The following TAF13 variants were observed in gnomAD, a reference collection of about 807,000 sequenced individuals.
The protein encoded by TAF13 is TATA-box binding protein associated factor 13.
A neutral mutation model predicts 18.7 loss-of-function variants in TAF13; 9 were observed. The ratio of observed to expected loss-of-function variants is 0.48; its 90% CI spans 0.29 to 0.84. The LOEUF (loss-of-function observed/expected upper bound fraction) is 0.84, where lower values mean the gene tolerates loss of function less well. Ranked by LOEUF, TAF13 falls within the 40% of genes least tolerant of loss-of-function variation. TAF13 has a pLI of 0.08. For synonymous variants in TAF13, 49 were observed against 44.1 expected (o/e 1.11, Z -0.44); for missense variants, 105 against 146.5 (o/e 0.72, Z 1.46).
chr1:109,064,696 A>G lies in TAF13; in HGVS notation c.205-3T>C, dbSNP rs1663922342. ...CCAATTGACATTGCCTTGTGAGTCT[A>G]TTACAAAGAAACATATTACATTTAA... On this transcript the variant is annotated splice_polypyrimidine_tract_variant and splice_region_variant and intron_variant, in intron 3 of 3. Coordinates refer to ENST00000338366, the MANE Select transcript of TAF13 (RefSeq NM_005645.4). 4.1e-6 allele frequency: 6 copies of G among 1,462,558 alleles called. No homozygotes were observed. Among genetic ancestry groups the G allele is most frequent in the Non-Finnish European group, 5.4e-6 (6 of 1,103,944 alleles). 90.6% of individuals were successfully genotyped at this position (1,462,558 alleles called of 1,614,324 possible).
At chr1:109,073,894 C>T (rs902410076) in intron 2 of TAF13, among the ~76,000 whole-genome samples, 2 of 151,686 alleles carry the variant, frequency 1.3e-5, no homozygotes, top group East Asian at 1.9e-4. Flanking sequence ...CGCCTCTGCT[C>T]GGCCGCTACT....
At chr1:109,068,838 C>T (rs1456412137) in intron 2 of TAF13, among the ~76,000 whole-genome samples, 1 of 152,108 alleles carries the variant, frequency 6.6e-6, no homozygotes, top group African/African-American at 2.4e-5. Flanking sequence ...CCCGTCTCTA[C>T]TAAAAATACA....
chr1:109,074,358 A>G (rs1311327925), intron 2 of TAF13, among the ~76,000 whole-genome samples: 1 of 152,152 alleles, frequency 6.6e-6, no homozygotes, highest in Non-Finnish European at 1.5e-5. Context: ...GTGCTTTGTT[A>G]AACAGATGCT....
Position 109,066,153 on chromosome 1 carries a change from T to A in TAF13, c.186A>T (p.Ile62=), listed in dbSNP as rs758182892. 5.6e-6 allele frequency: 9 copies of A among 1,611,804 alleles called. No homozygotes were observed. Among genetic ancestry groups the A allele is most frequent in the Non-Finnish European group, 7.6e-6 (9 of 1,179,372 alleles). Residue 62 remains isoleucine, a synonymous_variant, in exon 3 of 4, where the codon ATA becomes ATT. Coordinates refer to ENST00000338366, the MANE Select transcript of TAF13 (RefSeq NM_005645.4). ...ESVDILEDLV[I]EFITEMTHKA... Reference sequence around the variant, plus strand: ...ATCTTACCATTTCAGTGATAAACTCTATGACAAGATCTTCAAGAATATCCA... The same window carrying A: ...ATCTTACCATTTCAGTGATAAACTCAATGACAAGATCTTCAAGAATATCCA...
chr1:109,071,965 TATATATATATACACAC>T lies in TAF13; in HGVS notation c.106+3006_106+3021del, dbSNP rs1197585395. 7.4e-3 allele frequency among the ~76,000 whole-genome samples: 61 copies of T among 8,270 alleles called. 2 individuals are homozygous for T. Among genetic ancestry groups the T allele is most frequent in the Non-Finnish European group, 0.014 (29 of 2,126 alleles). The allele number at this position is 8,270 out of a possible 152,430, so 5.4% of individuals were successfully genotyped here. A position where few individuals can be genotyped will look rare whatever the true frequency, so the allele number is the denominator to read the frequency against. On this transcript the variant is annotated intron_variant, in intron 2 of 3. Transcript: ENST00000338366. The stretch of plus-strand genomic sequence containing the variant: ...CTCTGTCTCAAAAAGAAAATATATA[TATATATATATACACAC>T]ATATATATATATATATATATATATA...
intron 2 of TAF13, among the ~76,000 whole-genome samples, chr1:109,073,646 C>G (rs1254792730): frequency 6.6e-6 from 1 of 152,210 alleles, no homozygotes; most frequent in Admixed American, 6.5e-5. Flanking sequence ...GGATTCCAGA[C>G]GGAGTCTCGC....
rs1663948753 is a variant in TAF13, at chr1:109,066,218, A to G, written c.121T>C (p.Tyr41His). 1.9e-6 allele frequency: 3 copies of G among 1,608,498 alleles called. 1 individual carries two copies. The Admixed American group carries it at 5.2e-5, about 28-fold the overall frequency. The change falls in exon 3 of 4, where the codon TAT becomes CAT. Residue 41 changes from tyrosine (Y) to histidine (H), a missense_variant. Physicochemically the swap from Tyr to His is moderately conservative, Grantham distance 83. Transcript: ENST00000338366. ...GGATTCTGGTCATCCCCAAAGCCAT[A>G]CATCATACATCGCACTGTAAAAGAA... is the stretch of plus-strand genomic sequence containing the variant. ...LFSKELRCMM[Y>H]GFGDDQNPYT...
In TAF13 at chr1:109,064,180, A is replaced by AAAAAAAC. The variant is rs1171410761; in HGVS notation, c.*342_*343insGTTTTTT. 2.6e-5 allele frequency: 4 copies of AAAAAAAC among 154,176 alleles called. No homozygotes were observed. Among genetic ancestry groups the AAAAAAAC allele is most frequent in the Admixed American group, 6.6e-5 (1 of 15,120 alleles). 9.6% of individuals were successfully genotyped at this position (154,176 alleles called of 1,614,324 possible). On this transcript the variant is annotated 3_prime_UTR_variant, in exon 4 of 4. Coordinates refer to ENST00000338366, the MANE Select transcript of TAF13 (RefSeq NM_005645.4). ...TCAAAAAAAAAAAAAAAAAAAAAAA[A>AAAAAAAC]AGCTACAGTATAGCTTACAAGGGCA...
chr1:109,075,014 T>C lies in TAF13; in HGVS notation c.79A>G (p.Lys27Glu). 1.2e-6 allele frequency: 2 copies of C among 1,607,246 alleles called. No homozygotes were observed. Among genetic ancestry groups the C allele is most frequent in the Non-Finnish European group, 8.5e-7 (1 of 1,178,344 alleles). Residue 27 changes from lysine (K) to glutamate (E), a missense_variant, in exon 2 of 4, where the codon AAA (lysine) becomes GAA (glutamate). Coordinates refer to ENST00000338366, the MANE Select transcript of TAF13 (RefSeq NM_005645.4). ...IGGGAEGGQG[K>E]RKRLFSKELR... The stretch of plus-strand genomic sequence containing the variant: ...TCTTTAGAAAAAAGTCTCTTTCTTT[T>C]ACCCTGTCCACCTTCTGCACCTCCT...
intron 2 of TAF13, among the ~76,000 whole-genome samples, chr1:109,067,663 G>A (rs1663975749): frequency 6.6e-6 from 1 of 151,868 alleles, no homozygotes; most frequent in Non-Finnish European, 1.5e-5. Context: ...TAAGAGAGAA[G>A]TCTAATACAG....
In TAF13 at chr1:109,071,960, ATATATATATATATATACACACAT is replaced by A. The variant is rs1664065175; in HGVS notation, c.106+3004_106+3026del. Among the ~76,000 whole-genome samples, 18 of 4,782 alleles carry A rather than the reference ATATATATATATATATACACACAT, an allele frequency of 3.8e-3. 1 individual carries two copies. In the East Asian group the frequency reaches 0.13, roughly 34 times the overall value. The allele number at this position is 4,782 out of a possible 152,430, so 3.1% of individuals were successfully genotyped here. A position where few individuals can be genotyped will look rare whatever the true frequency, so the allele number is the denominator to read the frequency against. On this transcript the variant is annotated intron_variant, in intron 2 of 3. Coordinates refer to ENST00000338366, the MANE Select transcript of TAF13 (RefSeq NM_005645.4). ...TGAGACTCTGTCTCAAAAAGAAAAT[ATATATATATATATATACACACAT>A]ATATATATATATATATATATATATA...
intron 3 of TAF13, 76 bp from the exon 4 acceptor site, chr1:109,064,769 G>C: frequency 8.3e-7 from 1 of 1,204,884 alleles, no homozygotes; most frequent in Non-Finnish European, 1.1e-6. Flanking sequence ...TTTATTAATT[G>C]CAAGTGAGGT....
At chr1:109,071,983 T>C (rs1418071873) in intron 2 of TAF13, among the ~76,000 whole-genome samples, 4 of 71,220 alleles carry the variant, frequency 5.6e-5, no homozygotes, top group African/African-American at 3.1e-4. Flanking sequence ...TATACACACA[T>C]ATATATATAT....
intron 2 of TAF13, among the ~76,000 whole-genome samples, chr1:109,072,754 C>CTA (rs1291761597): frequency 6.8e-6 from 1 of 147,096 alleles, no homozygotes; most frequent in Non-Finnish European, 1.5e-5. Flanking sequence ...CTCCATGTCA[C>CTA]TATAATGCCT....
At chr1:109,069,663 T>C (rs1043160822) in intron 2 of TAF13, among the ~76,000 whole-genome samples, 8 of 152,060 alleles carry the variant, frequency 5.3e-5, no homozygotes, top group Non-Finnish European at 1.2e-4. Context: ...ACTCATAGAA[T>C]ACTTCTAAAG....
At position 109,066,099 on chromosome 1, in the gene TAF13, T is replaced by C. The variant is rs754910776; in HGVS notation, c.204+36A>G. ...AAAGTTTAATATTTCAAATCTATTC[T>C]TCAATTAACTAAGACCAGTTAGGAA... On this transcript the variant is annotated intron_variant, in intron 3 of 3. Coordinates refer to ENST00000338366, the MANE Select transcript of TAF13 (RefSeq NM_005645.4). 200 of 1,539,836 alleles carry C rather than the reference T, an allele frequency of 1.3e-4. 1 individual carries two copies. Among genetic ancestry groups the C allele is most frequent in the Middle Eastern group, 1.7e-4 (1 of 5,918 alleles).
chr1:109,068,219 T>G (rs548043572), intron 2 of TAF13, among the ~76,000 whole-genome samples: 1 of 152,192 alleles, frequency 6.6e-6, no homozygotes, highest in South Asian at 2.1e-4. Context: ...CACTGCAACC[T>G]CCACCTCCCG....
intron 2 of TAF13, among the ~76,000 whole-genome samples, chr1:109,074,589 TA>T (rs1481780780): frequency 6.6e-6 from 1 of 151,586 alleles, no homozygotes; most frequent in African/African-American, 2.4e-5. Context: ...CTAAAAAAAT[TA>T]AAAAAATAAA....
At chr1:109,065,921 CAA>C (rs35972596) in intron 3 of TAF13, among the ~76,000 whole-genome samples, 9 of 86,508 alleles carry the variant, frequency 1.0e-4, no homozygotes, top group Admixed American at 1.3e-4. Context: ...AACTCCATCT[CAA>C]AAAAAAAAAA....
Sources: gnomAD v4.1 joint callset for allele counts (sites outside exome capture counted in the v4.1 genomes callset) on GRCh38, gnomAD v4.1.1 for gene constraint, MANE v1.5 for transcripts, NCBI Gene and HGNC (gene_info 2026-07-23, HGNC 2026-07-21) for gene names.